The following BBS9 variants were observed in gnomAD, a reference collection of about 807,000 sequenced individuals.
The protein encoded by BBS9 is Bardet-Biedl syndrome 9, also known as protein PTHB1.
A neutral mutation model predicts 117.7 loss-of-function variants in BBS9; 89 were observed. That is an observed-to-expected ratio of 0.76 (90% CI 0.64 to 0.90). The LOEUF (loss-of-function observed/expected upper bound fraction) is 0.90, where lower values mean the gene tolerates loss of function less well. Ranked by LOEUF, BBS9 falls within the 40% of genes least tolerant of loss-of-function variation. The pLI, the probability that BBS9 is intolerant of heterozygous loss-of-function variation, is 0.00. For missense variants in BBS9, 982 were observed against 1,042.2 expected, an observed-to-expected ratio of 0.94 and a Z score of 0.80; for synonymous variants, 379 against 370.9, an observed-to-expected ratio of 1.02 and a Z score of -0.25.
At chr7:33,298,309 T>C (rs1472315452) in intron 9 of BBS9, among the ~76,000 whole-genome samples, 1 of 152,176 alleles carries the variant, frequency 6.6e-6, no homozygotes, top group Non-Finnish European at 1.5e-5. Flanking sequence ...TTAAGTTCTC[T>C]GTGCCTCAGT....
intron 21 of BBS9, among the ~76,000 whole-genome samples, chr7:33,590,467 T>TTTTTGTTTTTTG (rs1554551756): frequency 1.3e-5 from 1 of 78,934 alleles, no homozygotes; most frequent in Admixed American, 1.5e-4. Flanking sequence ...TTGTTTTTTT[T>TTTTTGTTTTTTG]TTTTTTTTTT....
At chr7:33,570,103 G>A (rs955587021) in intron 21 of BBS9, among the ~76,000 whole-genome samples, 4 of 152,130 alleles carry the variant, frequency 2.6e-5, no homozygotes, top group Non-Finnish European at 5.9e-5. Context: ...CCAAAAGCAA[G>A]GAAGTTTTGC....
At position 33,408,537 on chromosome 7, in the gene BBS9, G is replaced by A. The variant is rs77751175; in HGVS notation, c.2115+20393G>A. Among the ~76,000 whole-genome samples, 3,012 of 152,214 alleles carry A rather than the reference G, an allele frequency of 0.02. 204 individuals carry two copies. The East Asian group carries it at 0.26, about 13-fold the overall frequency. ...ATCACCTGTCTTCTGCGTCGCTCACGCTGGGAGCTGTAGACTGGAGCTGTT... is the reference window on the plus strand; with the variant it reads ...ATCACCTGTCTTCTGCGTCGCTCACACTGGGAGCTGTAGACTGGAGCTGTT... On this transcript the variant is annotated intron_variant, in intron 19 of 22. Coordinates refer to ENST00000242067, the MANE Select transcript of BBS9 (RefSeq NM_198428.3).
chr7:33,365,641 C>G (rs917112937), intron 16 of BBS9, among the ~76,000 whole-genome samples: 3 of 152,184 alleles, frequency 2.0e-5, no homozygotes, highest in Non-Finnish European at 4.4e-5. Context: ...ATGAGTGGTA[C>G]CTATGGAGAT....
chr7:33,613,871 A>G (rs1012132365), intron 21 of BBS9, among the ~76,000 whole-genome samples: 1 of 152,070 alleles, frequency 6.6e-6, no homozygotes. Flanking sequence ...TTGGACTTCT[A>G]CCATTAGTCT....
At chr7:33,309,620 A>G (rs910311703) in intron 9 of BBS9, among the ~76,000 whole-genome samples, 1 of 152,206 alleles carries the variant, frequency 6.6e-6, no homozygotes, top group African/African-American at 2.4e-5. Context: ...TTTTTGAGAA[A>G]GAAAAGCTTG....
intron 19 of BBS9, among the ~76,000 whole-genome samples, chr7:33,417,774 C>T (rs1452777770): frequency 6.6e-6 from 1 of 152,126 alleles, no homozygotes; most frequent in Non-Finnish European, 1.5e-5. Context: ...TATCAAATGG[C>T]CAGTCTTCCA....
At chr7:33,608,249 G>A (rs1281308371), downstream of BBS9, among the ~76,000 whole-genome samples, 1 of 151,966 alleles carries the variant, frequency 6.6e-6, no homozygotes, top group East Asian at 1.9e-4. Context: ...ATAGTATTCT[G>A]TGGTATACGT....
intron 19 of BBS9, among the ~76,000 whole-genome samples, chr7:33,423,849 T>A (rs1004146534): frequency 6.6e-6 from 1 of 152,216 alleles, no homozygotes; most frequent in Non-Finnish European, 1.5e-5. Flanking sequence ...CAAGTCTGAC[T>A]AGTAAAGCTT....
intron 18 of BBS9, 124 bp downstream of exon 18, chr7:33,383,962 G>A: frequency 9.6e-7 from 1 of 1,044,922 alleles, no homozygotes; most frequent in Non-Finnish European, 1.4e-6. Flanking sequence ...TTCTTATGTG[G>A]ATGGTGGATT....
chr7:33,272,987 A>G (rs1355554112), intron 7 of BBS9, 25 bp from the exon 8 acceptor site: 1 of 1,612,548 alleles, frequency 6.2e-7, no homozygotes, highest in African/African-American at 1.3e-5. Context: ...TAGCAACTAA[A>G]TTGATATTGA....
chr7:33,454,803 G>T (rs1167396805), intron 19 of BBS9, among the ~76,000 whole-genome samples: 1 of 152,156 alleles, frequency 6.6e-6, no homozygotes, highest in African/African-American at 2.4e-5. Context: ...GTGCTAAAAA[G>T]AACATATTTA....
intron 5 of BBS9, among the ~76,000 whole-genome samples, chr7:33,238,924 T>C (rs7791482): frequency 6.6e-6 from 1 of 152,148 alleles, no homozygotes; most frequent in South Asian, 2.1e-4. Flanking sequence ...ATATTTTGCT[T>C]AAAAAATACT....
intron 21 of BBS9, among the ~76,000 whole-genome samples, chr7:33,549,003 A>C (rs940318695): frequency 1.1e-4 from 17 of 151,416 alleles, no homozygotes; most frequent in Non-Finnish European, 1.9e-4. Flanking sequence ...AGCTGGAGGC[A>C]TCACACTACC....
At chr7:33,613,798 C>A (rs1864996892) in intron 21 of BBS9, among the ~76,000 whole-genome samples, 1 of 151,986 alleles carries the variant, frequency 6.6e-6, no homozygotes, top group East Asian at 1.9e-4. Context: ...GCCAAGGCTT[C>A]TTGTCCCCAG....
intron 19 of BBS9, among the ~76,000 whole-genome samples, chr7:33,504,619 C>A (rs1358602354): frequency 3.3e-5 from 5 of 152,118 alleles, no homozygotes; most frequent in African/African-American, 1.2e-4. Context: ...CTGTCAGACG[C>A]CTTGAGCCTC....
intron 21 of BBS9, among the ~76,000 whole-genome samples, chr7:33,554,643 A>G (rs928051440): frequency 1.3e-5 from 2 of 152,182 alleles, no homozygotes; most frequent in Non-Finnish European, 1.5e-5. Context: ...AGTTTTGGCT[A>G]TATTCCATTT....
chr7:33,620,756 A>G (rs1191803652), intron 21 of BBS9, among the ~76,000 whole-genome samples: 1 of 152,162 alleles, frequency 6.6e-6, no homozygotes, highest in Non-Finnish European at 1.5e-5. Context: ...TTTGTATGCA[A>G]CCACAAAAGA....
intron 21 of BBS9, among the ~76,000 whole-genome samples, chr7:33,603,793 G>A: frequency 6.6e-6 from 1 of 152,140 alleles, no homozygotes. Flanking sequence ...CTTATTTTAT[G>A]AGTGTGGAAA....
Sources: allele counts gnomAD v4.1 joint callset (sites outside exome capture counted in the v4.1 genomes callset), GRCh38; gene constraint gnomAD v4.1.1; transcripts MANE v1.5; gene names NCBI Gene and HGNC (gene_info 2026-07-23, HGNC 2026-07-21).